ACYP2: variants seen among roughly 807,000 people sequenced by gnomAD.
ACYP2 encodes the protein acylphosphatase-2.
ACYP2 carries 12 observed loss-of-function variants against 11.2 expected under a neutral mutation model. The ratio of observed to expected loss-of-function variants is 1.08; its 90% CI spans 0.69 to 1.74. The LOEUF (loss-of-function observed/expected upper bound fraction) is 1.74, where lower values mean the gene tolerates loss of function less well. ACYP2 is among the 40% of genes most tolerant of loss of function. The pLI, the probability that ACYP2 is intolerant of heterozygous loss-of-function variation, is 0.00. For missense variants in ACYP2, 134 were observed against 101.9 expected (o/e 1.31, Z -1.35); for synonymous variants, 43 against 32.2 (o/e 1.33, Z -1.13).
chr2:53,990,957 C>T (rs370509488), intron 2 of ACYP2, among the ~76,000 whole-genome samples: 22 of 152,030 alleles, frequency 1.4e-4, no homozygotes, highest in East Asian at 3.9e-4. Flanking sequence ...CCACCACGCC[C>T]GGCTAATTTT....
chr2:54,006,172 A>C (rs1400384498), intron 2 of ACYP2, among the ~76,000 whole-genome samples: 1 of 152,000 alleles, frequency 6.6e-6, no homozygotes, highest in Non-Finnish European at 1.5e-5. Flanking sequence ...TTTGAGACGA[A>C]GTCTCACTCT....
intron 6 of ACYP2, among the ~76,000 whole-genome samples, chr2:54,271,845 T>C (rs1688319287): frequency 6.6e-6 from 1 of 152,172 alleles, no homozygotes; most frequent in Admixed American, 6.5e-5. Flanking sequence ...ACCTAGTCAC[T>C]TTGATAAACT....
At chr2:54,144,673 CAA>C (rs60045228) in intron 6 of ACYP2, among the ~76,000 whole-genome samples, 24 of 113,174 alleles carry the variant, frequency 2.1e-4, no homozygotes, top group Non-Finnish European at 1.3e-4. Context: ...GACTCTGTCT[CAA>C]AAAAAAAAAA....
chr2:54,136,130 C>T (rs1052803414), intron 5 of ACYP2, among the ~76,000 whole-genome samples: 6 of 152,144 alleles, frequency 3.9e-5, no homozygotes, highest in African/African-American at 1.4e-4. Flanking sequence ...AACTTCTAGC[C>T]TTAAGTGATC....
chr2:54,208,108 C>T (rs56839616), intron 6 of ACYP2, among the ~76,000 whole-genome samples: 4,156 of 152,096 alleles, frequency 0.027, 174 homozygotes, highest in African/African-American at 0.094. Flanking sequence ...CCTCAAGATC[C>T]AGTCAGAGTC....
At chr2:53,989,341 C>T (rs577714611) in intron 2 of ACYP2, among the ~76,000 whole-genome samples, 8 of 144,450 alleles carry the variant, frequency 5.5e-5, no homozygotes, top group African/African-American at 1.0e-4. Context: ...CTTCCTGCCT[C>T]GGCCTTCCAA....
At chr2:54,221,952 G>T (rs988562123) in intron 6 of ACYP2, among the ~76,000 whole-genome samples, 48 of 152,138 alleles carry the variant, frequency 3.2e-4, no homozygotes, top group Non-Finnish European at 1.5e-4. Context: ...GCTGGCATTT[G>T]TTAAGGGCCT....
At chr2:54,044,619 G>A (rs902630940) in intron 2 of ACYP2, among the ~76,000 whole-genome samples, 1 of 150,468 alleles carries the variant, frequency 6.6e-6, no homozygotes, top group African/African-American at 2.4e-5. Context: ...AAAAAAAAAA[G>A]ATCCTGGGAG....
intron 4 of ACYP2, among the ~76,000 whole-genome samples, chr2:54,108,123 T>C (rs1418795768): frequency 6.6e-6 from 1 of 152,018 alleles, no homozygotes; most frequent in Admixed American, 6.5e-5. Flanking sequence ...ATAACTAAAC[T>C]CCTCCGCGAC....
In ACYP2 at chr2:54,115,595, G is replaced by C; in HGVS notation, c.278-19858G>C. 1 of 1,545,368 alleles carries C rather than the reference G, an allele frequency of 6.5e-7. No individual in the cohort carries two copies. Among genetic ancestry groups the C allele is most frequent in the Non-Finnish European group, 8.7e-7 (1 of 1,144,730 alleles). ...AGCGTCCGGGACCGGTGACAGGCGCGGGGTGCGCCAAGCAGTCCCATGTGT... is the reference window on the plus strand; with the variant it reads ...AGCGTCCGGGACCGGTGACAGGCGCCGGGTGCGCCAAGCAGTCCCATGTGT... On this transcript the variant is annotated intron_variant, in intron 4 of 6. Coordinates refer to ENST00000607452, the MANE Select transcript of ACYP2 (RefSeq NM_001320586.2).
At chr2:54,123,891 T>A (rs955353894) in intron 4 of ACYP2, among the ~76,000 whole-genome samples, 5 of 152,134 alleles carry the variant, frequency 3.3e-5, no homozygotes, top group African/African-American at 1.2e-4. Flanking sequence ...TCATTGGCCA[T>A]CCCCACTATA....
intron 6 of ACYP2, among the ~76,000 whole-genome samples, chr2:54,272,478 A>C (rs1379240524): frequency 6.6e-6 from 1 of 152,238 alleles, no homozygotes; most frequent in East Asian, 1.9e-4. Flanking sequence ...ATGTGAAAGT[A>C]ATCCTGAAGG....
At chr2:54,037,492 C>T (rs1164857789) in intron 2 of ACYP2, among the ~76,000 whole-genome samples, 1 of 152,052 alleles carries the variant, frequency 6.6e-6, no homozygotes, top group African/African-American at 2.4e-5. Context: ...CCCACTGCAG[C>T]CTCAACCTCC....
rs949736819 is a variant in ACYP2 at position 54,045,039 on chromosome 2, T to C, written c.63-5919T>C. 2.6e-5 allele frequency among the ~76,000 whole-genome samples: 4 copies of C among 152,332 alleles called. No individual in the cohort carries two copies. The East Asian group carries it at 5.8e-4, about 22-fold the overall frequency. On this transcript the variant is annotated intron_variant, in intron 2 of 6. Coordinates refer to ENST00000607452, the MANE Select transcript of ACYP2 (RefSeq NM_001320586.2). The stretch of plus-strand genomic sequence containing the variant: ...AGATTATAGTGTCCCTAAAGTGCTT[T>C]ATAGATAACAACTTGAACATTATAA...
intron 4 of ACYP2, among the ~76,000 whole-genome samples, chr2:54,090,596 G>A (rs1174795970): frequency 2.0e-5 from 3 of 152,138 alleles, no homozygotes; most frequent in Non-Finnish European, 4.4e-5. Context: ...GCACCACTGC[G>A]CTCCAGTCTG....
intron 6 of ACYP2, among the ~76,000 whole-genome samples, chr2:54,199,855 C>G (rs952799559): frequency 6.6e-6 from 1 of 152,194 alleles, no homozygotes; most frequent in African/African-American, 2.4e-5. Flanking sequence ...GCGGGACCCA[C>G]GCTGATGGGT....
At chr2:53,973,464 A>G (rs1234313131) in intron 1 of ACYP2, among the ~76,000 whole-genome samples, 3 of 152,168 alleles carry the variant, frequency 2.0e-5, no homozygotes, top group Non-Finnish European at 4.4e-5. Flanking sequence ...ATAACATTTC[A>G]CCATTGTGAT....
chr2:54,214,474 C>T (rs1187013768), intron 6 of ACYP2, among the ~76,000 whole-genome samples: 2 of 152,216 alleles, frequency 1.3e-5, no homozygotes, highest in Non-Finnish European at 2.9e-5. Context: ...CCAGTTATCT[C>T]AGCACCACTT....
In ACYP2 at chr2:54,276,566, C is replaced by T. The variant is rs1011334631; in HGVS notation, c.405-28122C>T. On this transcript the variant is annotated intron_variant, in intron 6 of 6. Coordinates refer to ENST00000607452, the MANE Select transcript of ACYP2 (RefSeq NM_001320586.2). Reference sequence around the variant, plus strand: ...TCAGCATTTATTGTAATGACTTTGACTTTGATCATGAAAACCACATTTCAT... The same window carrying T: ...TCAGCATTTATTGTAATGACTTTGATTTTGATCATGAAAACCACATTTCAT... 2.7e-5 allele frequency among the ~76,000 whole-genome samples: 4 copies of T among 150,932 alleles called. No individual in the cohort carries two copies. In the East Asian group the frequency reaches 7.8e-4, roughly 29 times the overall value.
Sources: allele counts gnomAD v4.1 joint callset (sites outside exome capture counted in the v4.1 genomes callset), GRCh38; gene constraint gnomAD v4.1.1; transcripts MANE v1.5; gene names NCBI Gene and HGNC (gene_info 2026-07-23, HGNC 2026-07-21).